Variants in STAR observed in about 807,000 individuals in gnomAD.
STAR encodes steroidogenic acute regulatory protein, mitochondrial.
STAR carries 32 observed loss-of-function variants against 32.3 expected under a neutral mutation model. The observed-to-expected ratio is 0.99, with a 90% CI of 0.75 to 1.33. The LOEUF (loss-of-function observed/expected upper bound fraction) is 1.33, where lower values mean the gene tolerates loss of function less well. STAR is among the 40% of genes most tolerant of loss of function. The pLI is 0.00. For synonymous variants in STAR, 134 were observed against 140.5 expected (o/e 0.95, Z 0.33); for missense variants, 375 against 379.0 (o/e 0.99, Z 0.09).
chr8:38,148,657 C>T lies in STAR; in HGVS notation c.162G>A (p.Arg54=), dbSNP rs949790519. The T allele has an allele frequency of 1.2e-6, 2 of 1,614,138 alleles. No homozygotes were observed. Among genetic ancestry groups the T allele is most frequent in the African/African-American group, 1.3e-5 (1 of 75,070 alleles). Residue 54 remains arginine, a synonymous_variant, in exon 2 of 7, where the codon CGG becomes CGA. Transcript: ENST00000276449. ...TPSTWINQVR[R]RSSLLGSRLE... is the part of the protein sequence containing the mutation. Reference sequence around the variant, plus strand: ...AGCACTTACCGAGTAGAGAGCTCCGCCGCCGAACCTGGTTAATCCACGTGC... The same window carrying T: ...AGCACTTACCGAGTAGAGAGCTCCGTCGCCGAACCTGGTTAATCCACGTGC...
At position 38,148,754 on chromosome 8, in the gene STAR, C is replaced by T; in HGVS notation, c.65G>A (p.Gly22Glu). The change falls in exon 2 of 7, where the codon GGG becomes GAG. Residue 22 changes from glycine to glutamate, a missense_variant and splice_region_variant. Gly to Glu is a moderately conservative substitution (Grantham distance 98). Coordinates refer to ENST00000276449, the MANE Select transcript of STAR (RefSeq NM_000349.3). ...SSYRHMRNMK[G>E]LRQQAVMAIS... ...GGCCATCACAGCCTGTTGCCTCAGC[C>T]CTGCAGAAGGGAATAACCCTTGTCT... 2.5e-6 allele frequency: 4 copies of T among 1,613,146 alleles called. No homozygotes were observed. Among genetic ancestry groups the T allele is most frequent in the Non-Finnish European group, 3.4e-6 (4 of 1,179,846 alleles).
chr8:38,150,202 C>G (rs1169181837), intron 1 of STAR, among the ~76,000 whole-genome samples: 1 of 151,828 alleles, frequency 6.6e-6, no homozygotes, highest in Non-Finnish European at 1.5e-5. Flanking sequence ...ACCAATATAG[C>G]AAGACATTGT....
intron 4 of STAR, 54 bp from the exon 5 acceptor site, chr8:38,146,201 C>T (rs906045183): frequency 2.0e-5 from 33 of 1,612,522 alleles, no homozygotes; most frequent in South Asian, 2.2e-5. Flanking sequence ...GGGCTAAGCA[C>T]CCCCCACAGC....
At position 38,148,683 on chromosome 8, in the gene STAR, TA is replaced by T. The variant is rs193922393; in HGVS notation, c.135del (p.Ser46AlafsTer63). ...LNRRALGGPT[P>X]STWINQVRRR... ...CGCCGAACCTGGTTAATCCACGTGCTAGGGGTGGGGCCCCCCAGGGCCCTCC... is the reference window on the plus strand; with the variant it reads ...CGCCGAACCTGGTTAATCCACGTGCTGGGGTGGGGCCCCCCAGGGCCCTCC... On this transcript the variant is annotated frameshift_variant, in exon 2 of 7. Transcript: ENST00000276449. LOFTEE classifies it high-confidence loss of function. The T allele has an allele frequency of 8.1e-6, 13 of 1,614,004 alleles. No individual in the cohort carries two copies. Among genetic ancestry groups the T allele is most frequent in the South Asian group, 7.7e-5 (7 of 91,096 alleles).
intron 3 of STAR, among the ~76,000 whole-genome samples, chr8:38,147,105 G>A (rs1184416893): frequency 2.6e-5 from 4 of 151,320 alleles, no homozygotes; most frequent in African/African-American, 9.7e-5. Context: ...CTCCTGCCTC[G>A]GCCTCCCAAG....
chr8:38,148,895 G>A, intron 1 of STAR, 141 bp from the exon 2 acceptor site: 1 of 708,900 alleles, frequency 1.4e-6, no homozygotes, highest in Non-Finnish European at 2.5e-6. Context: ...GATTCTAGCA[G>A]GGACCTGAAC....
Position 38,148,291 on chromosome 8 carries a change from T to A in STAR, c.215A>T (p.Glu72Val). Residue 72 changes from glutamate to valine, a missense_variant, in exon 3 of 7, where the codon GAG becomes GTG. Glu to Val is a moderately radical substitution (Grantham distance 121). Transcript: ENST00000276449. ...CTCCCCCTGCTGGAGATAGGCCAGCTCCTGGTCACTGTAGAGAGTCTCTTC... is the reference window on the plus strand; with the variant it reads ...CTCCCCCTGCTGGAGATAGGCCAGCACCTGGTCACTGTAGAGAGTCTCTTC... ...RLEETLYSDQ[E>V]LAYLQQGEEA... 6.2e-7 allele frequency: 1 copy of A among 1,614,070 alleles called. No homozygotes were observed. Among genetic ancestry groups the A allele is most frequent in the African/African-American group, 1.3e-5 (1 of 75,042 alleles).
At chr8:38,150,284 A>C (rs1329681225) in intron 1 of STAR, among the ~76,000 whole-genome samples, 2 of 152,222 alleles carry the variant, frequency 1.3e-5, no homozygotes, top group South Asian at 4.1e-4. Context: ...CTGTAGTCCC[A>C]GGTACTCAAG....
rs1354418911 is a variant in STAR, at chr8:38,148,183, T to G, written c.306+17A>C. 6.2e-7 allele frequency: 1 copy of G among 1,613,648 alleles called. No individual in the cohort carries two copies. The highest frequency in any genetic ancestry group is 8.5e-7 in the Non-Finnish European group (1 of 1,179,870). ...AGTGGAGCATGGAGGAACCACAGGC[T>G]TCTCCCCGACACTTACCTGCTGACT... is the stretch of plus-strand genomic sequence containing the variant. On this transcript the variant is annotated intron_variant, in intron 3 of 6. Transcript: ENST00000276449.
At chr8:38,148,106 T>G in intron 3 of STAR, 94 bp downstream of exon 3, 8 of 1,563,600 alleles carry the variant, frequency 5.1e-6, no homozygotes, top group South Asian at 2.3e-5. Flanking sequence ...GACTGCTGCA[T>G]GAGACAGGAA....
At position 38,150,746 on chromosome 8, in the gene STAR, A is replaced by G. The variant is rs761733155; in HGVS notation, c.64+9T>C. The G allele has an allele frequency of 1.1e-5, 18 of 1,606,482 alleles. No homozygotes were observed. The East Asian group carries it at 3.6e-4, about 32-fold the overall frequency. Reference sequence around the variant, plus strand: ...CAACCCCTCATCGCCTCCTTCCCGCAGCGCTCACCCTTCATGTTGCGCATG... The same window carrying G: ...CAACCCCTCATCGCCTCCTTCCCGCGGCGCTCACCCTTCATGTTGCGCATG... On this transcript the variant is annotated intron_variant, in intron 1 of 6. Coordinates refer to ENST00000276449, the MANE Select transcript of STAR (RefSeq NM_000349.3).
chr8:38,149,053 TCAAG>T, intron 1 of STAR: 1 of 420,312 alleles, frequency 2.4e-6, no homozygotes, highest in Non-Finnish European at 4.5e-6. Flanking sequence ...AAAGCTGTGT[TCAAG>T]CAACCAGAAA....
Position 38,150,792 on chromosome 8 carries a change from G to T in STAR, c.27C>A (p.Cys9Ter). ...GCATGTGTCTGTAGGAGCTCCCAGC[G>T]CACAGCTTGAATGTCGCTAGCAGCA... MLLATFKL[C>*]AGSSYRHMRN... Residue 9 changes from cysteine to a stop codon, truncating the protein, a stop_gained, in exon 1 of 7, where the codon TGC becomes TGA. Coordinates refer to ENST00000276449, the MANE Select transcript of STAR (RefSeq NM_000349.3). LOFTEE classifies it high-confidence loss of function. 1 of 1,606,864 alleles carries T rather than the reference G, an allele frequency of 6.2e-7. No homozygotes were observed.
chr8:38,150,803 ATGTC>A lies in STAR; in HGVS notation c.12_15del (p.Thr5SerfsTer15), dbSNP rs1563269524. The A allele has an allele frequency of 1.2e-6, 2 of 1,606,476 alleles. No individual in the cohort carries two copies. Among genetic ancestry groups the A allele is most frequent in the Non-Finnish European group, 1.7e-6 (2 of 1,179,958 alleles). ...TAGGAGCTCCCAGCGCACAGCTTGA[ATGTC>A]GCTAGCAGCATTGTTTCCTGGCAAA... On this transcript the variant is annotated frameshift_variant, in exon 1 of 7. Transcript: ENST00000276449. LOFTEE classifies it high-confidence loss of function.
At chr8:38,146,754 G>A (rs1297123094) in intron 3 of STAR, among the ~76,000 whole-genome samples, 2 of 142,778 alleles carry the variant, frequency 1.4e-5, no homozygotes, top group African/African-American at 5.1e-5. Flanking sequence ...CAGCCTGGGC[G>A]ACAGAGTTGT....
At position 38,144,497 on chromosome 8, in the gene STAR, T is replaced by C. The variant is rs1360460104; in HGVS notation, c.745-111A>G. 4 of 1,524,782 alleles carry C rather than the reference T, an allele frequency of 2.6e-6. No individual in the cohort carries two copies. In the East Asian group the frequency reaches 1.0e-4, roughly 38 times the overall value. 94.5% of individuals were successfully genotyped at this position (1,524,782 alleles called of 1,614,324 possible). On this transcript the variant is annotated intron_variant, in intron 6 of 6. Coordinates refer to ENST00000276449, the MANE Select transcript of STAR (RefSeq NM_000349.3). ...GGGCTTGGTCTTCGAGCTCTGTTAA[T>C]AGGTGCAGCCTTGGAGTTGCCCAGT... is the stretch of plus-strand genomic sequence containing the variant.
Position 38,144,180 on chromosome 8 carries a change from G to A in STAR, c.*93C>T, listed in dbSNP as rs776003335. The A allele has an allele frequency of 2.4e-4, 311 of 1,297,608 alleles. No individual in the cohort carries two copies. Among genetic ancestry groups the A allele is most frequent in the Middle Eastern group, 9.0e-4 (5 of 5,536 alleles). 80.4% of individuals were successfully genotyped at this position (1,297,608 alleles called of 1,614,324 possible). A position where few individuals can be genotyped will look rare whatever the true frequency, so the allele number is the denominator to read the frequency against. On this transcript the variant is annotated 3_prime_UTR_variant, in exon 7 of 7. Coordinates refer to ENST00000276449, the MANE Select transcript of STAR (RefSeq NM_000349.3). ...CCACCCATCCCACTGTCACCAGATGGAGATCTTAGACTTGCAGGCTTCCAG... is the reference window on the plus strand; with the variant it reads ...CCACCCATCCCACTGTCACCAGATGAAGATCTTAGACTTGCAGGCTTCCAG...
intron 1 of STAR, among the ~76,000 whole-genome samples, chr8:38,150,105 GGT>G (rs1802641428): frequency 6.6e-6 from 1 of 152,092 alleles, no homozygotes; most frequent in African/African-American, 2.4e-5. Context: ...AAGTAAGCCA[GGT>G]GTGGCGGCTC....
Position 38,149,947 on chromosome 8 carries a change from CCT to C in STAR, c.64+806_64+807del, listed in dbSNP as rs1802638957. 1.3e-5 allele frequency among the ~76,000 whole-genome samples: 2 copies of C among 152,078 alleles called. 1 individual carries two copies. Among genetic ancestry groups the C allele is most frequent in the South Asian group, 4.1e-4 (2 of 4,828 alleles). On this transcript the variant is annotated intron_variant, in intron 1 of 6. Coordinates refer to ENST00000276449, the MANE Select transcript of STAR (RefSeq NM_000349.3). The stretch of plus-strand genomic sequence containing the variant: ...ACCAGTCTGGTCGACGTGGCGAAAC[CCT>C]GTCTCTACTAAAAATACAAAAACTA...
Sources: allele counts gnomAD v4.1 joint callset (sites outside exome capture counted in the v4.1 genomes callset), GRCh38; gene constraint gnomAD v4.1.1; transcripts MANE v1.5; gene names NCBI Gene and HGNC (gene_info 2026-07-23, HGNC 2026-07-21).